Variants in NR2F2 observed in about 807,000 individuals in gnomAD.
NR2F2 encodes the protein nuclear receptor subfamily 2 group F member 2, also known as COUP transcription factor 2.
NR2F2 carries 2 observed loss-of-function variants against 34.8 expected under a neutral mutation model. The observed-to-expected ratio is 0.06, with a 90% confidence interval of 0.02 to 0.18. The LOEUF (loss-of-function observed/expected upper bound fraction) is 0.18. Ranked by LOEUF, NR2F2 falls within the 10% of genes least tolerant of loss-of-function variation. The probability of loss-of-function intolerance (pLI) is 1.00; values close to 1 mark genes in which losing one functional copy is unlikely to be tolerated. For missense variants in NR2F2, 300 were observed against 580.1 expected (o/e 0.52, Z 4.96); for synonymous variants, 274 against 251.8 (o/e 1.09, Z -0.84).
chr15:96,329,724 G>C (rs1899079221), upstream of NR2F2, among the ~76,000 whole-genome samples: 1 of 152,148 alleles, frequency 6.6e-6, no homozygotes. Context: ...AGTGGGCAGA[G>C]GTCTTTCCCC....
intron 2 of NR2F2, among the ~76,000 whole-genome samples, chr15:96,335,929 G>C (rs1049203476): frequency 6.6e-6 from 1 of 152,178 alleles, no homozygotes; most frequent in Admixed American, 6.5e-5. Context: ...TCTGGGCAGG[G>C]AAGCTGTTTG....
Position 96,338,323 on chromosome 15 carries a change from GC to G in NR2F2, c.*705del, listed in dbSNP as rs1236488321. On this transcript the variant is annotated 3_prime_UTR_variant, in exon 3 of 3. Coordinates refer to ENST00000394166, the MANE Select transcript of NR2F2 (RefSeq NM_021005.4). ...TATAACACTTAACTTCCCCTACCCT[GC>G]CCCTCCCCAAAAGAAACCATGACAA... 2.6e-5 allele frequency: 4 copies of G among 152,384 alleles called. No homozygotes were observed. Among genetic ancestry groups the G allele is most frequent in the African/African-American group, 9.7e-5 (4 of 41,360 alleles). 9.4% of individuals were successfully genotyped at this position (152,384 alleles called of 1,614,324 possible).
chr15:96,326,237 C>T, upstream of NR2F2: 1 of 1,240,650 alleles, frequency 8.1e-7, no homozygotes, highest in Non-Finnish European at 1.2e-6. This position sits in a 1 kb window ranked among gnomAD's most constrained non-coding sequence, Gnocchi z 5.5. Context: ...AAAGACACAT[C>T]TTTTCAGGGG....
Position 96,330,845 on chromosome 15 carries a change from C to T in NR2F2, c.-1261C>T. The T allele has an allele frequency of 1.7e-6, 2 of 1,144,518 alleles. No homozygotes were observed. The highest frequency in any genetic ancestry group is 1.6e-5 in the African/African-American group (1 of 61,418). The allele number at this position is 1,144,518 out of a possible 1,614,324, so 70.9% of individuals were successfully genotyped here. A position where few individuals can be genotyped will look rare whatever the true frequency, so the allele number is the denominator to read the frequency against. On this transcript the variant is annotated 5_prime_UTR_variant, in exon 1 of 3. Coordinates refer to ENST00000394166, the MANE Select transcript of NR2F2 (RefSeq NM_021005.4). ...GCGCGCGTGTGTGTTTTCTTCTTCT[C>T]CTCCTCCTCTCCCCGAGTTGCCTCC...
rs1238764285 is a variant in NR2F2 at position 96,331,164 on chromosome 15, C to A, written c.-942C>A. 1.0e-5 allele frequency: 10 copies of A among 982,556 alleles called. No homozygotes were observed. The African/African-American group carries it at 1.6e-4, about 16-fold the overall frequency. 60.9% of individuals were successfully genotyped at this position (982,556 alleles called of 1,614,324 possible). On this transcript the variant is annotated 5_prime_UTR_variant, in exon 1 of 3. Coordinates refer to ENST00000394166, the MANE Select transcript of NR2F2 (RefSeq NM_021005.4). The stretch of plus-strand genomic sequence containing the variant: ...GGGCCCGACCCGGCGGCTTCGGCGG[C>A]GGCTCCGGCGGCAGCGGCGGCCCGG...
chr15:96,334,598 C>G lies in NR2F2; in HGVS notation c.965C>G (p.Thr322Ser). ...YSCLKAIVLF[T>S]SDACGLSDVA... is the part of the protein sequence containing the mutation. ...TGCCTCAAGGCCATAGTCCTGTTCA[C>G]CTCAGGTAGGAAGGAGCCCTGTCTT... The change falls in exon 2 of 3, where the codon ACC (threonine) becomes AGC (serine). Residue 322 changes from threonine to serine, a missense_variant. By Grantham distance (58) the Thr-to-Ser change is moderately conservative. Around this residue, in one of 6 missense-constraint regions of NR2F2, gnomAD observed 164 missense variants for 365.3 expected, o/e 0.45. Transcript: ENST00000394166. 1 of 1,592,140 alleles carries G rather than the reference C, an allele frequency of 6.3e-7. No homozygotes were observed. The highest frequency in any genetic ancestry group is 8.6e-7 in the Non-Finnish European group (1 of 1,165,336).
intron 1 of NR2F2, chr15:96,333,638 C>G: frequency 9.5e-7 from 1 of 1,056,688 alleles, no homozygotes; most frequent in Non-Finnish European, 1.1e-6. Flanking sequence ...CACAGGCCGT[C>G]TGGGGTGGAC....
Position 96,334,601 on chromosome 15 carries a change from C to A in NR2F2, c.968C>A (p.Ser323Ter). 1 of 1,590,892 alleles carries A rather than the reference C, an allele frequency of 6.3e-7. No individual in the cohort carries two copies. Residue 323 changes from serine to a stop codon, truncating the protein, a stop_gained and splice_region_variant, in exon 2 of 3, where the codon TCA (serine) becomes TAA (stop). Transcript: ENST00000394166. LOFTEE classifies it high-confidence loss of function. ...CTCAAGGCCATAGTCCTGTTCACCT[C>A]AGGTAGGAAGGAGCCCTGTCTTCTC... The part of the protein sequence containing the change: ...SCLKAIVLFT[S>*]DACGLSDVAH...
At position 96,330,963 on chromosome 15, in the gene NR2F2, G is replaced by A. The variant is rs1899118752; in HGVS notation, c.-1143G>A. ...TCTGCGCACGAAGGATGTGCTTCTA[G>A]GTGGTGATCTGCCCTCCTCTCTCTC... is the stretch of plus-strand genomic sequence containing the variant. On this transcript the variant is annotated 5_prime_UTR_variant, in exon 1 of 3. The change abolishes the stop of an existing upstream ORF in the 5' untranslated region. Coordinates refer to ENST00000394166, the MANE Select transcript of NR2F2 (RefSeq NM_021005.4). The A allele has an allele frequency of 1.7e-6, 2 of 1,177,902 alleles. No individual in the cohort carries two copies. Among genetic ancestry groups the A allele is most frequent in the Admixed American group, 4.6e-5 (1 of 21,750 alleles). The allele number at this position is 1,177,902 out of a possible 1,614,324, so 73.0% of individuals were successfully genotyped here.
intron 1 of NR2F2, chr15:96,333,817 T>A (rs1305086077): frequency 2.9e-6 from 4 of 1,398,438 alleles, no homozygotes; most frequent in Non-Finnish European, 3.7e-6. Flanking sequence ...AGGTGGCCAA[T>A]TCTGGGTCCT....
upstream of NR2F2, among the ~76,000 whole-genome samples, chr15:96,328,825 C>T (rs572797023): frequency 1.2e-4 from 18 of 149,440 alleles, no homozygotes; most frequent in Middle Eastern, 3.5e-3. Context: ...TAGTGAAATA[C>T]GTGATTTCAT....
At position 96,331,795 on chromosome 15, in the gene NR2F2, C is replaced by T. The variant is rs1167531754; in HGVS notation, c.-311C>T. On this transcript the variant is annotated 5_prime_UTR_variant, in exon 1 of 3. Transcript: ENST00000394166. ...GTTCTGCTCCCACTCGCTCTCCTGT[C>T]CCCTTCCCCTCCCCTCCCGGCGGAA... The T allele has an allele frequency of 8.3e-7, 1 of 1,201,132 alleles. No homozygotes were observed. Among genetic ancestry groups the T allele is most frequent in the East Asian group, 3.4e-5 (1 of 29,346 alleles). 74.4% of individuals were successfully genotyped at this position (1,201,132 alleles called of 1,614,324 possible).
upstream of NR2F2, among the ~76,000 whole-genome samples, chr15:96,327,520 C>G (rs1313926406): frequency 6.6e-6 from 1 of 152,266 alleles, no homozygotes. Context: ...ACTCTGACAG[C>G]CCCTGGTGAT....
upstream of NR2F2, among the ~76,000 whole-genome samples, chr15:96,330,530 C>T (rs921013855): frequency 3.4e-5 from 5 of 145,578 alleles, no homozygotes; most frequent in African/African-American, 1.2e-4. Context: ...GCCGCCATGG[C>T]GGGGCCGCCG....
upstream of NR2F2, among the ~76,000 whole-genome samples, chr15:96,327,860 C>T (rs1899033874): frequency 6.6e-6 from 1 of 152,114 alleles, no homozygotes; most frequent in Non-Finnish European, 1.5e-5. Context: ...TAGATTAGGG[C>T]AAATGTTGTC....
chr15:96,329,628 A>G (rs1399781242), upstream of NR2F2, among the ~76,000 whole-genome samples: 5 of 152,144 alleles, frequency 3.3e-5, no homozygotes, highest in Non-Finnish European at 5.9e-5. Flanking sequence ...TACATTGACA[A>G]ATGTGCATCT....
rs892698397 is a variant in NR2F2 at position 96,339,039 on chromosome 15, A to G, written c.*1417A>G. 2.0e-5 allele frequency: 3 copies of G among 151,878 alleles called. 1 individual carries two copies. The highest frequency in any genetic ancestry group is 4.4e-5 in the Non-Finnish European group (3 of 67,982). The allele number at this position is 151,878 out of a possible 1,614,324, so 9.4% of individuals were successfully genotyped here. A position where few individuals can be genotyped will look rare whatever the true frequency, so the allele number is the denominator to read the frequency against. The stretch of plus-strand genomic sequence containing the variant: ...ATGGTTTAGGAAGTGCCATACTGAT[A>G]TAGTAAACCACCCCCATTCACCTAA... On this transcript the variant is annotated 3_prime_UTR_variant, in exon 3 of 3. Coordinates refer to ENST00000394166, the MANE Select transcript of NR2F2 (RefSeq NM_021005.4).
chr15:96,330,405 G>GGCGGCA (rs1191378894), upstream of NR2F2, among the ~76,000 whole-genome samples: 1 of 145,038 alleles, frequency 6.9e-6, no homozygotes, highest in African/African-American at 2.5e-5. Context: ...CCCTCTCGGC[G>GGCGGCA]GCGGCGGCGG....
chr15:96,331,568 C>CTCCTCT lies in NR2F2; in HGVS notation c.-532_-527dup, dbSNP rs1170662606. 3.4e-5 allele frequency: 41 copies of CTCCTCT among 1,222,188 alleles called. 1 individual carries two copies. The East Asian group carries it at 1.3e-3, about 38-fold the overall frequency. The allele number at this position is 1,222,188 out of a possible 1,614,324, so 75.7% of individuals were successfully genotyped here. ...CCTCTACCTCCTCCTTCACCACCAC[C>CTCCTCT]TCCTCTTCCTCCTCCTCCTCCTCCT... On this transcript the variant is annotated 5_prime_UTR_variant, in exon 1 of 3. Transcript: ENST00000394166.
Sources: allele counts gnomAD v4.1 joint callset (sites outside exome capture counted in the v4.1 genomes callset), GRCh38; gene constraint gnomAD v4.1.1; regional missense constraint gnomAD v4.1.1; non-coding constraint Gnocchi (gnomAD v3.1); transcripts MANE v1.5; gene names NCBI Gene and HGNC (gene_info 2026-07-23, HGNC 2026-07-21).